Variants in PLA2G4E observed in about 807,000 individuals in gnomAD.
PLA2G4E encodes phospholipase A2 group IVE.
Under a neutral mutation model 109.1 loss-of-function variants are expected in PLA2G4E, and 84 were observed. The ratio of observed to expected loss-of-function variants is 0.77; its 90% CI spans 0.65 to 0.92. The LOEUF (loss-of-function observed/expected upper bound fraction) is 0.92, where lower values mean the gene tolerates loss of function less well. Ranked by LOEUF, PLA2G4E falls within the 40% of genes least tolerant of loss-of-function variation. The pLI, the probability that PLA2G4E is intolerant of heterozygous loss-of-function variation, is 0.00. For synonymous variants in PLA2G4E, 469 were observed against 436.1 expected (o/e 1.08, Z -0.94); for missense variants, 1,057 against 1,076.6 (o/e 0.98, Z 0.25).
At chr15:41,991,137 G>A (rs111253372) in intron 13 of PLA2G4E, among the ~76,000 whole-genome samples, 2,114 of 152,206 alleles carry the variant, frequency 0.014, 67 homozygotes, top group African/African-American at 0.048. Context: ...GGGAAGAGCC[G>A]GTCCACATTC....
intron 12 of PLA2G4E, 66 bp downstream of exon 12, chr15:41,995,294 A>G (rs2068319394): frequency 1.3e-6 from 2 of 1,571,350 alleles, no homozygotes; most frequent in East Asian, 4.5e-5. Context: ...GCTTCACCTG[A>G]GACCCCAGGC....
In PLA2G4E at chr15:41,999,902, G is replaced by T; in HGVS notation, c.936+15C>A. 2 of 1,601,726 alleles carry T rather than the reference G, an allele frequency of 1.2e-6. No individual in the cohort carries two copies. Among genetic ancestry groups the T allele is most frequent in the Non-Finnish European group, 1.7e-6 (2 of 1,173,502 alleles). On this transcript the variant is annotated intron_variant, in intron 9 of 19. Transcript: ENST00000399518. The stretch of plus-strand genomic sequence containing the variant: ...GGAAGTAAGTCAGGGGCCCTTCCCA[G>T]ACTCAGGCACTCACCACAGGCAGGG...
At chr15:42,041,092 G>C (rs144569160) in intron 1 of PLA2G4E, among the ~76,000 whole-genome samples, 30 of 152,312 alleles carry the variant, frequency 2.0e-4, no homozygotes, top group African/African-American at 6.7e-4. Context: ...ATGTAGATTA[G>C]AGCAAAGTTT....
At chr15:42,006,043 T>G in exon 4 of PLA2G4E, 1 of 1,613,936 alleles carries the variant, frequency 6.2e-7, no homozygotes, top group Non-Finnish European at 8.5e-7. Flanking sequence ...CAGAGCTTGG[T>G]GAGGTCATAG....
intron 1 of PLA2G4E, among the ~76,000 whole-genome samples, chr15:42,014,616 G>C (rs2068571077): frequency 6.6e-6 from 1 of 152,114 alleles, no homozygotes; most frequent in African/African-American, 2.4e-5. Context: ...CATGTGCCAG[G>C]GGCTCACCCC....
chr15:42,012,327 G>A (rs989541406), intron 2 of PLA2G4E, among the ~76,000 whole-genome samples: 1 of 152,144 alleles, frequency 6.6e-6, no homozygotes, highest in Non-Finnish European at 1.5e-5. Context: ...TCCCTCCTCT[G>A]CCTCACTTCC....
At chr15:41,994,057 G>A (rs1043359829) in intron 12 of PLA2G4E, among the ~76,000 whole-genome samples, 3 of 152,096 alleles carry the variant, frequency 2.0e-5, no homozygotes, top group Admixed American at 1.3e-4. Context: ...TACTACCGGG[G>A]GCAGCCATTT....
chr15:42,036,119 T>A (rs561659471), intron 1 of PLA2G4E, among the ~76,000 whole-genome samples: 52 of 152,338 alleles, frequency 3.4e-4, no homozygotes, highest in African/African-American at 1.3e-3. Context: ...GTTAGACATT[T>A]AAGCTGTTCC....
Position 42,004,925 on chromosome 15 carries a change from T to C in PLA2G4E, c.566+13A>G, listed in dbSNP as rs781337307. ...CAGGACCTTGGTGGGCCCCGGGGCC[T>C]GGGCCTACTCACCTCTCCTCCAGCA... On this transcript the variant is annotated intron_variant, in intron 5 of 19. Coordinates refer to ENST00000399518, the Ensembl canonical transcript of PLA2G4E. 13 of 1,612,554 alleles carry C rather than the reference T, an allele frequency of 8.1e-6. No homozygotes were observed. In the African/African-American group the frequency reaches 1.2e-4, roughly 15 times the overall value.
At chr15:41,999,801 G>A in intron 9 of PLA2G4E, 116 bp downstream of exon 9, 1 of 1,245,188 alleles carries the variant, frequency 8.0e-7, no homozygotes, top group Admixed American at 2.0e-5. Context: ...TCCTGCCTGA[G>A]AGAGACCCTC....
intron 13 of PLA2G4E, among the ~76,000 whole-genome samples, chr15:41,990,744 CTT>C (rs1228531708): frequency 0.2 from 8,551 of 42,238 alleles, 716 homozygotes; most frequent in East Asian, 0.37. Context: ...CTCTTCCCTT[CTT>C]TTTTTTTTTT....
chr15:42,038,580 C>A (rs1889258924), intron 1 of PLA2G4E, among the ~76,000 whole-genome samples: 1 of 152,212 alleles, frequency 6.6e-6, no homozygotes. Flanking sequence ...TGACAGGAGG[C>A]AGAGCTCAGG....
chr15:42,015,591 C>A (rs1424324196), intron 1 of PLA2G4E, among the ~76,000 whole-genome samples: 1 of 152,210 alleles, frequency 6.6e-6, no homozygotes, highest in Non-Finnish European at 1.5e-5. Flanking sequence ...GTGTGCCAGG[C>A]CCTATGCTAG....
At chr15:42,011,465 G>A (rs932565360) in intron 2 of PLA2G4E, among the ~76,000 whole-genome samples, 5 of 152,264 alleles carry the variant, frequency 3.3e-5, no homozygotes, top group Admixed American at 2.0e-4. Flanking sequence ...GTTCACGCCT[G>A]TAATCCCAGC....
Position 41,990,247 on chromosome 15 carries a change from C to T in PLA2G4E, c.1471-12G>A, listed in dbSNP as rs376183629. 4.3e-6 allele frequency: 7 copies of T among 1,611,726 alleles called. No homozygotes were observed. Among genetic ancestry groups the T allele is most frequent in the Non-Finnish European group, 5.9e-6 (7 of 1,178,666 alleles). ...TTGCATTCATTTCTCTGTGGGGAAA[C>T]AAAATGGTTAAAGAGAAGCAGCAGC... On this transcript the variant is annotated splice_polypyrimidine_tract_variant and intron_variant, in intron 13 of 19. Coordinates refer to ENST00000399518, the Ensembl canonical transcript of PLA2G4E.
intron 19 of PLA2G4E, among the ~76,000 whole-genome samples, chr15:41,984,215 GA>G (rs1365164739): frequency 6.6e-6 from 1 of 152,234 alleles, no homozygotes; most frequent in African/African-American, 2.4e-5. Flanking sequence ...GCACATGGCT[GA>G]ATGTCAGAAA....
chr15:42,005,236 C>T (rs1173274456), intron 4 of PLA2G4E, among the ~76,000 whole-genome samples: 3 of 152,186 alleles, frequency 2.0e-5, no homozygotes, highest in Non-Finnish European at 4.4e-5. Context: ...TTCCTCTGCC[C>T]GAGAGCATCT....
chr15:42,022,986 G>A (rs942556217), intron 1 of PLA2G4E, among the ~76,000 whole-genome samples: 5 of 152,120 alleles, frequency 3.3e-5, no homozygotes, highest in African/African-American at 1.2e-4. Flanking sequence ...AACAGCTAGT[G>A]AGCCTAGGCA....
At chr15:42,002,051 T>C (rs1305436562) in intron 6 of PLA2G4E, among the ~76,000 whole-genome samples, 1 of 152,120 alleles carries the variant, frequency 6.6e-6, no homozygotes, top group Non-Finnish European at 1.5e-5. Flanking sequence ...AGCTCACACC[T>C]GTAATCCCAG....
Sources: allele counts gnomAD v4.1 joint callset (sites outside exome capture counted in the v4.1 genomes callset), GRCh38; gene constraint gnomAD v4.1.1; transcripts MANE v1.5; gene names NCBI Gene and HGNC (gene_info 2026-07-23, HGNC 2026-07-21).